BEND4: variants seen among roughly 807,000 people sequenced by gnomAD.
BEND4 encodes BEN domain containing 4, also known as BEN domain-containing protein 4.
Under a neutral mutation model 54.7 loss-of-function variants are expected in BEND4, and 27 were observed. The ratio of observed to expected loss-of-function variants is 0.49; its 90% CI spans 0.36 to 0.68. The LOEUF is 0.68. BEND4 is among the 30% of genes least tolerant of loss of function. BEND4 has a pLI of 0.00. For synonymous variants in BEND4, 327 were observed against 299.5 expected, an observed-to-expected ratio of 1.09 and a Z score of -0.95; for missense variants, 702 against 697.2, an observed-to-expected ratio of 1.01 and a Z score of -0.08.
At chr4:42,138,799 T>G (rs796499938) in intron 3 of BEND4, among the ~76,000 whole-genome samples, 4 of 152,340 alleles carry the variant, frequency 2.6e-5, no homozygotes, top group African/African-American at 9.6e-5. Context: ...TTATTTTACT[T>G]TGGACTTTTC....
chr4:42,135,151 C>G (rs1439587103), intron 3 of BEND4, among the ~76,000 whole-genome samples: 2 of 152,026 alleles, frequency 1.3e-5, no homozygotes, highest in Non-Finnish European at 2.9e-5. Flanking sequence ...ATGAGATGAG[C>G]CTGGTTGACA....
intron 3 of BEND4, 106 bp downstream of exon 3, chr4:42,143,322 C>CATACAT: frequency 9.8e-7 from 1 of 1,024,352 alleles, no homozygotes. Flanking sequence ...AAAGCCCACA[C>CATACAT]ATACATATAC....
At chr4:42,142,032 T>A (rs558552766) in intron 3 of BEND4, among the ~76,000 whole-genome samples, 2 of 151,484 alleles carry the variant, frequency 1.3e-5, no homozygotes, top group African/African-American at 4.8e-5. Context: ...GCCTCCCGAG[T>A]AGCTGGGACT....
At chr4:42,146,895 T>C (rs1721098890) in intron 2 of BEND4, among the ~76,000 whole-genome samples, 1 of 152,188 alleles carries the variant, frequency 6.6e-6, no homozygotes, top group South Asian at 2.1e-4. Context: ...TTAATCACAT[T>C]GATAAATCAC....
chr4:42,151,976 C>T lies in BEND4; in HGVS notation c.168G>A (p.Pro56=). Residue 56 remains proline, a synonymous_variant, in exon 2 of 6, where the codon CCG becomes CCA. Transcript: ENST00000502486. The part of the protein sequence containing the change: ...LVELPHVRAP[P]PPPPPFAPHA... ...GCGGCGCGAAGGGCGGCGGGGGCGG[C>T]GGGGGCGCCCGCACGTGCGGCAGCT... is the stretch of plus-strand genomic sequence containing the variant. 4 of 1,250,972 alleles carry T rather than the reference C, an allele frequency of 3.2e-6. No homozygotes were observed. The highest frequency in any genetic ancestry group is 6.3e-5 in the East Asian group (2 of 31,532). The allele number at this position is 1,250,972 out of a possible 1,614,324, so 77.5% of individuals were successfully genotyped here. A position where few individuals can be genotyped will look rare whatever the true frequency, so the allele number is the denominator to read the frequency against.
At chr4:42,133,947 T>G (rs980256508) in intron 3 of BEND4, among the ~76,000 whole-genome samples, 4 of 152,248 alleles carry the variant, frequency 2.6e-5, no homozygotes, top group African/African-American at 9.6e-5. Context: ...GCAATGGGCA[T>G]CCAATAAATA....
intron 3 of BEND4, among the ~76,000 whole-genome samples, chr4:42,130,237 T>C (rs994970868): frequency 1.3e-5 from 2 of 152,062 alleles, no homozygotes; most frequent in Admixed American, 1.3e-4. Context: ...TCCCAGCACT[T>C]TGGGAGGCCG....
At chr4:42,130,990 C>T (rs184497384) in intron 3 of BEND4, among the ~76,000 whole-genome samples, 176 of 152,268 alleles carry the variant, frequency 1.2e-3, no homozygotes, top group African/African-American at 4.1e-3. Flanking sequence ...ACTGCATGTT[C>T]TCACTCATAA....
chr4:42,117,810 G>T (rs572884507), intron 5 of BEND4, 75 bp from the exon 6 acceptor site: 2 of 1,012,346 alleles, frequency 2.0e-6, no homozygotes, highest in Admixed American at 2.6e-5. Flanking sequence ...GACAGGGCAG[G>T]CTGCTTAAAC....
At chr4:42,141,017 CT>C (rs11307606) in intron 3 of BEND4, among the ~76,000 whole-genome samples, 4,917 of 152,254 alleles carry the variant, frequency 0.032, 217 homozygotes, top group African/African-American at 0.097. Context: ...AGCTGTGAGA[CT>C]TGTAAAATCC....
chr4:42,134,691 T>A (rs922179728), intron 3 of BEND4, among the ~76,000 whole-genome samples: 1 of 152,208 alleles, frequency 6.6e-6, no homozygotes. Context: ...CATGACGTGC[T>A]ATGAAAAGTG....
chr4:42,130,580 T>A (rs2153145829), intron 3 of BEND4, among the ~76,000 whole-genome samples: 1 of 152,190 alleles, frequency 6.6e-6, no homozygotes, highest in Non-Finnish European at 1.5e-5. Context: ...CTGGCGAGGC[T>A]GTGGAGAAAC....
chr4:42,144,532 A>C (rs540332246), intron 2 of BEND4, among the ~76,000 whole-genome samples: 1 of 152,366 alleles, frequency 6.6e-6, no homozygotes, highest in African/African-American at 2.4e-5. Flanking sequence ...ATTTAAGGTA[A>C]AACAAAGAGT....
intron 3 of BEND4, among the ~76,000 whole-genome samples, chr4:42,127,503 G>A (rs1720332675): frequency 6.6e-6 from 1 of 152,194 alleles, no homozygotes; most frequent in Non-Finnish European, 1.5e-5. Flanking sequence ...GAGGAAGAAT[G>A]TGTCTCCTGA....
intron 5 of BEND4, among the ~76,000 whole-genome samples, chr4:42,119,400 T>A (rs181043514): frequency 5.9e-5 from 9 of 152,342 alleles, no homozygotes; most frequent in African/African-American, 1.9e-4. Flanking sequence ...TCTAGGTCTG[T>A]ATTTGCACTT....
At chr4:42,150,270 C>T (rs1159875942) in intron 2 of BEND4, among the ~76,000 whole-genome samples, 1 of 152,052 alleles carries the variant, frequency 6.6e-6, no homozygotes, top group Non-Finnish European at 1.5e-5. Flanking sequence ...AATATAAAAA[C>T]ACAATGGAAT....
intron 2 of BEND4, among the ~76,000 whole-genome samples, chr4:42,147,556 T>C (rs573977742): frequency 1.0e-4 from 15 of 149,878 alleles, no homozygotes; most frequent in African/African-American, 3.4e-4. Flanking sequence ...AAATCAACAG[T>C]TTACAGAAGG....
At chr4:42,141,827 A>C (rs900190766) in intron 3 of BEND4, among the ~76,000 whole-genome samples, 1 of 152,228 alleles carries the variant, frequency 6.6e-6, no homozygotes, top group Non-Finnish European at 1.5e-5. Context: ...TGTATGATTT[A>C]TTTTGAACCC....
chr4:42,136,116 CCCA>C (rs1452280418), intron 3 of BEND4, among the ~76,000 whole-genome samples: 3 of 152,112 alleles, frequency 2.0e-5, no homozygotes, highest in Non-Finnish European at 4.4e-5. Flanking sequence ...CCTCAGAGCC[CCCA>C]CTTTACATAT....
Sources: allele counts gnomAD v4.1 joint callset (sites outside exome capture counted in the v4.1 genomes callset), GRCh38; gene constraint gnomAD v4.1.1; transcripts MANE v1.5; gene names NCBI Gene and HGNC (gene_info 2026-07-23, HGNC 2026-07-21).